NUDT3: variants seen among roughly 807,000 people sequenced by gnomAD.
NUDT3 encodes diphosphoinositol polyphosphate phosphohydrolase 1.
Under a neutral mutation model 23.6 loss-of-function variants are expected in NUDT3, and 9 were observed. That is an observed-to-expected ratio of 0.38 (90% CI 0.23 to 0.66). The LOEUF is 0.66. NUDT3 is among the 30% of genes least tolerant of loss of function. The pLI, the probability that NUDT3 is intolerant of heterozygous loss-of-function variation, is 0.52. For synonymous variants in NUDT3, 86 were observed against 82.6 expected (o/e 1.04, Z -0.22); for missense variants, 172 against 218.5 (o/e 0.79, Z 1.34).
intron 1 of NUDT3, among the ~76,000 whole-genome samples, chr6:34,379,926 G>A (rs1326880217): frequency 6.6e-6 from 1 of 151,600 alleles, no homozygotes; most frequent in Non-Finnish European, 1.5e-5. Flanking sequence ...AAAATCCCTT[G>A]AACCTGGGAG....
intron 2 of NUDT3, among the ~76,000 whole-genome samples, chr6:34,334,287 G>A (rs1164977027): frequency 6.6e-6 from 1 of 152,188 alleles, no homozygotes; most frequent in East Asian, 1.9e-4. Context: ...GTCAATAATT[G>A]TAGCACTCTA....
At chr6:34,299,900 CAAAAA>C (rs527665276) in intron 2 of NUDT3, among the ~76,000 whole-genome samples, 1 of 133,412 alleles carries the variant, frequency 7.5e-6, no homozygotes. Flanking sequence ...GAGACTGTCT[CAAAAA>C]AAAAAAAAAT....
chr6:34,342,672 T>C (rs1027674230), intron 1 of NUDT3, among the ~76,000 whole-genome samples: 16 of 152,222 alleles, frequency 1.1e-4, no homozygotes, highest in African/African-American at 2.9e-4. Context: ...CCCCTCTCTG[T>C]AGGAAAGATG....
intron 2 of NUDT3, among the ~76,000 whole-genome samples, chr6:34,321,947 G>A (rs1763948748): frequency 6.6e-6 from 1 of 152,136 alleles, no homozygotes; most frequent in Non-Finnish European, 1.5e-5. Flanking sequence ...GTTTGTTTTT[G>A]TTGTTGTTGT....
chr6:34,282,347 C>G lies in NUDT3; in HGVS notation c.*6406G>C, dbSNP rs1033756263. ...CAGGACGACTTCTTAAAGGGATTCA[C>G]AGGCAATATTACTGGCAAAATGATT... On this transcript the variant is annotated 3_prime_UTR_variant, in exon 5 of 5. Coordinates refer to ENST00000607016, the MANE Select transcript of NUDT3 (RefSeq NM_006703.4). 1 of 152,190 alleles carries G rather than the reference C, an allele frequency of 6.6e-6. No individual in the cohort carries two copies. Among genetic ancestry groups the G allele is most frequent in the Non-Finnish European group, 1.5e-5 (1 of 68,046 alleles). 9.4% of individuals were successfully genotyped at this position (152,190 alleles called of 1,614,324 possible). A position where few individuals can be genotyped will look rare whatever the true frequency, so the allele number is the denominator to read the frequency against.
At chr6:34,380,003 TA>T (rs925300768) in intron 1 of NUDT3, among the ~76,000 whole-genome samples, 98 of 145,978 alleles carry the variant, frequency 6.7e-4, no homozygotes, top group Admixed American at 9.6e-4. Context: ...AACTCCATCT[TA>T]AAAAAAAAAA....
intron 2 of NUDT3, among the ~76,000 whole-genome samples, chr6:34,326,950 T>A (rs544653327): frequency 1.3e-5 from 2 of 150,346 alleles, no homozygotes; most frequent in Non-Finnish European, 3.0e-5. Flanking sequence ...GAGAGAGAGA[T>A]CGTACGAAAT....
intron 2 of NUDT3, among the ~76,000 whole-genome samples, chr6:34,328,535 T>G (rs1038068518): frequency 2.0e-5 from 3 of 152,202 alleles, no homozygotes; most frequent in Non-Finnish European, 4.4e-5. Flanking sequence ...GTATACTTTT[T>G]TTGTTGTTAA....
intron 1 of NUDT3, among the ~76,000 whole-genome samples, chr6:34,351,488 T>C (rs993007640): frequency 1.4e-5 from 2 of 147,868 alleles, no homozygotes; most frequent in African/African-American, 5.1e-5. Flanking sequence ...ATGCCTGTAA[T>C]CCTAGCACTT....
chr6:34,288,986 T>C, intron 4 of NUDT3, 55 bp from the exon 5 acceptor site: 1 of 1,499,348 alleles, frequency 6.7e-7, no homozygotes, highest in South Asian at 1.4e-5. Context: ...TTTCTGAGCC[T>C]AGAACTTTTG....
intron 1 of NUDT3, among the ~76,000 whole-genome samples, chr6:34,354,432 C>CACACA (rs1478687521): frequency 6.7e-6 from 1 of 149,792 alleles, no homozygotes; most frequent in Non-Finnish European, 1.5e-5. Context: ...CACACACATA[C>CACACA]ACACTCTTGG....
chr6:34,281,558 AAAC>A lies in NUDT3; in HGVS notation c.*7192_*7194del, dbSNP rs1181847251. ...CCAGTTTGACAGTCTTCAGATCACA[AAAC>A]AATAGAACAGACCTGACATTTACAA... is the stretch of plus-strand genomic sequence containing the variant. On this transcript the variant is annotated 3_prime_UTR_variant, in exon 5 of 5. Coordinates refer to ENST00000607016, the MANE Select transcript of NUDT3 (RefSeq NM_006703.4). 1.3e-5 allele frequency: 2 copies of A among 150,948 alleles called. No homozygotes were observed. Among genetic ancestry groups the A allele is most frequent in the Non-Finnish European group, 2.9e-5 (2 of 68,000 alleles). 9.4% of individuals were successfully genotyped at this position (150,948 alleles called of 1,614,324 possible).
intron 1 of NUDT3, among the ~76,000 whole-genome samples, chr6:34,355,491 T>C (rs969455591): frequency 1.3e-5 from 2 of 152,112 alleles, no homozygotes; most frequent in African/African-American, 4.8e-5. Flanking sequence ...TGTTCTCTTT[T>C]CTTGTAATGT....
intron 1 of NUDT3, among the ~76,000 whole-genome samples, chr6:34,381,794 G>T (rs1226340287): frequency 6.6e-6 from 1 of 151,940 alleles, no homozygotes; most frequent in Non-Finnish European, 1.5e-5. Flanking sequence ...TAAATAATCG[G>T]CTGGGCACGG....
chr6:34,380,977 A>C (rs1449317525), intron 1 of NUDT3, among the ~76,000 whole-genome samples: 1 of 151,938 alleles, frequency 6.6e-6, no homozygotes, highest in African/African-American at 2.4e-5. Context: ...AATTCCTATA[A>C]ACACCTCTCT....
intron 2 of NUDT3, among the ~76,000 whole-genome samples, chr6:34,329,589 CCA>C (rs1561908963): frequency 6.6e-6 from 1 of 151,984 alleles, no homozygotes; most frequent in Non-Finnish European, 1.5e-5. Flanking sequence ...TCAAGAACAA[CCA>C]TTCTTTTGCA....
At chr6:34,383,322 T>C (rs1218171757) in intron 1 of NUDT3, among the ~76,000 whole-genome samples, 1 of 152,150 alleles carries the variant, frequency 6.6e-6, no homozygotes, top group African/African-American at 2.4e-5. Flanking sequence ...TTTACTGTTT[T>C]ATGAACAAAG....
intron 1 of NUDT3, among the ~76,000 whole-genome samples, chr6:34,384,881 T>C (rs1178488901): frequency 6.6e-6 from 1 of 150,838 alleles, no homozygotes; most frequent in African/African-American, 2.4e-5. Context: ...ACACACAAAA[T>C]AGCTGGGCAA....
chr6:34,377,964 T>C (rs1168964710), intron 1 of NUDT3, among the ~76,000 whole-genome samples: 3 of 152,062 alleles, frequency 2.0e-5, no homozygotes, highest in African/African-American at 7.2e-5. Context: ...TTTTTTGCCA[T>C]TTAAAATCAA....
Sources: allele counts gnomAD v4.1 joint callset (sites outside exome capture counted in the v4.1 genomes callset), GRCh38; gene constraint gnomAD v4.1.1; transcripts MANE v1.5; gene names NCBI Gene and HGNC (gene_info 2026-07-23, HGNC 2026-07-21).